KCNB2: variants seen among roughly 807,000 people sequenced by gnomAD.
The protein encoded by KCNB2 is delayed rectifier potassium channel protein.
KCNB2 carries 15 observed loss-of-function variants against 61.5 expected under a neutral mutation model. The observed-to-expected ratio is 0.24, with a 90% CI of 0.16 to 0.38. The LOEUF (loss-of-function observed/expected upper bound fraction) is 0.38. Ranked by LOEUF, KCNB2 falls within the 10% of genes least tolerant of loss-of-function variation. The pLI is 1.00. For synonymous variants in KCNB2, 457 were observed against 446.0 expected, an observed-to-expected ratio of 1.02 and a Z score of -0.31; for missense variants, 828 against 1,125.2, an observed-to-expected ratio of 0.74 and a Z score of 3.78.
chr8:72,771,547 G>A (rs1010345819), intron 2 of KCNB2, among the ~76,000 whole-genome samples: 1 of 152,134 alleles, frequency 6.6e-6, no homozygotes, highest in Non-Finnish European at 1.5e-5. Context: ...TGGTGCAAAA[G>A]TAATTGCAGT....
At chr8:72,916,972 T>C (rs192260358) in intron 2 of KCNB2, among the ~76,000 whole-genome samples, 2 of 152,262 alleles carry the variant, frequency 1.3e-5, no homozygotes, top group African/African-American at 2.4e-5. Context: ...CATGGGTGGT[T>C]TGAGAAAAGG....
At chr8:72,920,433 T>C (rs1380316090) in intron 2 of KCNB2, among the ~76,000 whole-genome samples, 2 of 86,176 alleles carry the variant, frequency 2.3e-5, no homozygotes, top group African/African-American at 7.5e-5. Flanking sequence ...CAAAACCCCC[T>C]CTCCACTATA....
intron 2 of KCNB2, among the ~76,000 whole-genome samples, chr8:72,684,298 C>T (rs745474938): frequency 3.9e-5 from 6 of 152,156 alleles, no homozygotes; most frequent in Non-Finnish European, 7.4e-5. Flanking sequence ...ATCTGATGTT[C>T]CCCTGGGACA....
intron 2 of KCNB2, among the ~76,000 whole-genome samples, chr8:72,610,143 G>A (rs1356919470): frequency 6.6e-6 from 1 of 152,150 alleles, no homozygotes; most frequent in Non-Finnish European, 1.5e-5. Flanking sequence ...AATAGAAAAG[G>A]ATTAGAGCAG....
intron 2 of KCNB2, among the ~76,000 whole-genome samples, chr8:72,583,975 C>G (rs1413577153): frequency 7.5e-6 from 1 of 133,244 alleles, no homozygotes; most frequent in African/African-American, 2.8e-5. Context: ...ACAAACAAAA[C>G]CCAAACCCAA....
intron 2 of KCNB2, among the ~76,000 whole-genome samples, chr8:72,823,991 A>G (rs974797853): frequency 6.6e-6 from 1 of 152,182 alleles, no homozygotes; most frequent in African/African-American, 2.4e-5. Flanking sequence ...GACAATCACA[A>G]TAAGCCTTTT....
intron 2 of KCNB2, among the ~76,000 whole-genome samples, chr8:72,603,396 A>G (rs1419831029): frequency 1.3e-5 from 2 of 152,102 alleles, no homozygotes; most frequent in Non-Finnish European, 2.9e-5. Context: ...CTATATACTT[A>G]GCAGCTCTTT....
intron 2 of KCNB2, among the ~76,000 whole-genome samples, chr8:72,663,251 C>T (rs1349144979): frequency 3.3e-5 from 5 of 152,038 alleles, no homozygotes; most frequent in Admixed American, 2.6e-4. Flanking sequence ...TTAAATAATA[C>T]AAGACATGGA....
intron 2 of KCNB2, among the ~76,000 whole-genome samples, chr8:72,922,251 G>C (rs1281562316): frequency 6.6e-6 from 1 of 152,116 alleles, no homozygotes; most frequent in Admixed American, 6.5e-5. Flanking sequence ...TTCTTATAAG[G>C]ACACTGGTCA....
chr8:72,559,131 T>G (rs1806472099), intron 1 of KCNB2, among the ~76,000 whole-genome samples: 1 of 151,776 alleles, frequency 6.6e-6, no homozygotes, highest in Admixed American at 6.6e-5. Flanking sequence ...TTATTTTGTT[T>G]TATTTTATTT....
intron 2 of KCNB2, among the ~76,000 whole-genome samples, chr8:72,793,790 T>A (rs1368657245): frequency 6.6e-6 from 1 of 152,224 alleles, no homozygotes; most frequent in Non-Finnish European, 1.5e-5. Context: ...GAAAATACAC[T>A]GCATGAACTA....
intron 2 of KCNB2, among the ~76,000 whole-genome samples, chr8:72,697,789 A>T (rs1294702473): frequency 6.6e-6 from 1 of 152,174 alleles, no homozygotes; most frequent in African/African-American, 2.4e-5. Flanking sequence ...TCTAACATGA[A>T]GCAGCATTTG....
chr8:72,668,346 A>T (rs1321288944), intron 2 of KCNB2, among the ~76,000 whole-genome samples: 1 of 152,190 alleles, frequency 6.6e-6, no homozygotes, highest in Non-Finnish European at 1.5e-5. Flanking sequence ...TCCCCACCAT[A>T]AATCACATTA....
chr8:72,754,253 G>A (rs1808248522), intron 2 of KCNB2, among the ~76,000 whole-genome samples: 1 of 152,170 alleles, frequency 6.6e-6, no homozygotes, highest in African/African-American at 2.4e-5. Context: ...TTCGCAGCCT[G>A]GAATCAAGGC....
intron 2 of KCNB2, among the ~76,000 whole-genome samples, chr8:72,728,247 T>C (rs939952936): frequency 6.6e-6 from 1 of 152,206 alleles, no homozygotes; most frequent in Non-Finnish European, 1.5e-5. Context: ...CATGTATTGT[T>C]GACTAAATAT....
At chr8:72,579,060 A>G (rs1806848708) in intron 2 of KCNB2, among the ~76,000 whole-genome samples, 1 of 152,184 alleles carries the variant, frequency 6.6e-6, no homozygotes, top group African/African-American at 2.4e-5. Context: ...CACGGCCCAA[A>G]TAAGGAAATG....
chr8:72,578,486 T>C (rs1245902984), intron 2 of KCNB2, among the ~76,000 whole-genome samples: 4 of 152,200 alleles, frequency 2.6e-5, no homozygotes, highest in African/African-American at 9.6e-5. Flanking sequence ...ATTATTGTGT[T>C]ATATAAGTAA....
intron 2 of KCNB2, among the ~76,000 whole-genome samples, chr8:72,911,753 T>A (rs1332665328): frequency 6.6e-6 from 1 of 152,196 alleles, no homozygotes; most frequent in African/African-American, 2.4e-5. Flanking sequence ...AGAGCCAGAC[T>A]GGCTGGGTTC....
chr8:72,856,251 C>T (rs1019856646), intron 2 of KCNB2, among the ~76,000 whole-genome samples: 6 of 152,010 alleles, frequency 3.9e-5, no homozygotes, highest in African/African-American at 1.4e-4. Context: ...AACATATAAT[C>T]AATATGAAAA....
Sources: gnomAD v4.1 joint callset for allele counts (sites outside exome capture counted in the v4.1 genomes callset) on GRCh38, gnomAD v4.1.1 for gene constraint, MANE v1.5 for transcripts, NCBI Gene and HGNC (gene_info 2026-07-23, HGNC 2026-07-21) for gene names.